The following TTC28 variants were observed in gnomAD, a reference collection of about 807,000 sequenced individuals.
TTC28 encodes the protein tetratricopeptide repeat protein 28.
TTC28 carries 61 observed loss-of-function variants against 198.0 expected under a neutral mutation model. The observed-to-expected ratio is 0.31, with a 90% CI of 0.25 to 0.38. The LOEUF (loss-of-function observed/expected upper bound fraction) is 0.38. Ranked by LOEUF, TTC28 falls within the 10% of genes least tolerant of loss-of-function variation. The pLI is 1.00. For synonymous variants in TTC28, 1,171 were observed against 1,297.8 expected (o/e 0.90, Z 2.10); for missense variants, 2,678 against 3,164.0 (o/e 0.85, Z 3.69).
At chr22:28,615,795 G>T (rs368691329) in intron 2 of TTC28, among the ~76,000 whole-genome samples, 1 of 151,630 alleles carries the variant, frequency 6.6e-6, no homozygotes, top group Non-Finnish European at 1.5e-5. Flanking sequence ...GGCCTGTAGG[G>T]GGGTGGGGGG....
At chr22:28,151,817 AT>A (rs1180838269) in intron 6 of TTC28, among the ~76,000 whole-genome samples, 3 of 151,952 alleles carry the variant, frequency 2.0e-5, no homozygotes, top group Non-Finnish European at 4.4e-5. Flanking sequence ...TGATATCTCA[AT>A]TTTTTACATT....
chr22:28,019,906 C>T (rs1938523109), intron 13 of TTC28, among the ~76,000 whole-genome samples: 1 of 152,240 alleles, frequency 6.6e-6, no homozygotes, highest in Non-Finnish European at 1.5e-5. Flanking sequence ...ATGAAGACAG[C>T]CCAGAGTAGA....
chr22:28,045,616 G>T (rs1422851303), intron 12 of TTC28, among the ~76,000 whole-genome samples: 1 of 152,174 alleles, frequency 6.6e-6, no homozygotes, highest in South Asian at 2.1e-4. Context: ...CTGTGAATGT[G>T]TTTTACCTAA....
intron 14 of TTC28, among the ~76,000 whole-genome samples, chr22:28,012,659 G>A (rs1207684416): frequency 6.6e-6 from 1 of 152,094 alleles, no homozygotes; most frequent in African/African-American, 2.4e-5. Context: ...CTACAGTTGT[G>A]CACCATCATG....
intron 5 of TTC28, among the ~76,000 whole-genome samples, chr22:28,207,747 G>T (rs1283679276): frequency 2.0e-5 from 3 of 152,182 alleles, no homozygotes; most frequent in Non-Finnish European, 2.9e-5. Context: ...CTCTCCTTCA[G>T]GGAGGATTTG....
At chr22:28,496,333 A>C (rs2146355661) in intron 2 of TTC28, among the ~76,000 whole-genome samples, 1 of 152,142 alleles carries the variant, frequency 6.6e-6, no homozygotes, top group South Asian at 2.1e-4. Flanking sequence ...AAATATCTTA[A>C]ACTTAACATG....
At chr22:28,339,248 G>A (rs1411075311) in intron 2 of TTC28, among the ~76,000 whole-genome samples, 1 of 152,128 alleles carries the variant, frequency 6.6e-6, no homozygotes, top group East Asian at 1.9e-4. Flanking sequence ...TCGTTCCTCA[G>A]GAAGTTTTGT....
At chr22:28,077,650 T>A (rs1362387077) in intron 12 of TTC28, among the ~76,000 whole-genome samples, 2 of 152,198 alleles carry the variant, frequency 1.3e-5, no homozygotes, top group African/African-American at 4.8e-5. Flanking sequence ...ACAAGTGTAA[T>A]CTAAATTAAC....
intron 2 of TTC28, among the ~76,000 whole-genome samples, chr22:28,312,952 G>C (rs1024195012): frequency 1.3e-5 from 2 of 151,648 alleles, no homozygotes; most frequent in Non-Finnish European, 2.9e-5. Context: ...CAACAAAATA[G>C]ATAGACCACT....
chr22:28,224,886 T>A (rs1413114538), intron 5 of TTC28, among the ~76,000 whole-genome samples: 3 of 152,186 alleles, frequency 2.0e-5, no homozygotes, highest in Non-Finnish European at 4.4e-5. Flanking sequence ...GACCAGAATA[T>A]GTTCATAATG....
chr22:28,589,685 G>A (rs181777461), intron 2 of TTC28, among the ~76,000 whole-genome samples: 111 of 152,096 alleles, frequency 7.3e-4, no homozygotes, highest in African/African-American at 1.9e-3. Flanking sequence ...GTAAATCTAC[G>A]GTTATGGAGT....
chr22:27,992,112 G>A (rs1043156022), intron 19 of TTC28, among the ~76,000 whole-genome samples: 17 of 152,276 alleles, frequency 1.1e-4, no homozygotes, highest in Admixed American at 9.2e-4. Context: ...GGAGACCACC[G>A]AGTGGAGATT....
At chr22:28,288,674 G>A (rs375125878) in intron 5 of TTC28, among the ~76,000 whole-genome samples, 18 of 151,712 alleles carry the variant, frequency 1.2e-4, no homozygotes, top group Admixed American at 4.6e-4. Context: ...ATAGCCAGGC[G>A]TTGTGGCGGG....
At chr22:28,126,329 G>A (rs1195913617) in intron 6 of TTC28, among the ~76,000 whole-genome samples, 1 of 152,162 alleles carries the variant, frequency 6.6e-6, no homozygotes, top group Non-Finnish European at 1.5e-5. Flanking sequence ...AGAACTACGA[G>A]TTTCCAGTGT....
intron 2 of TTC28, among the ~76,000 whole-genome samples, chr22:28,588,165 C>G (rs1351811883): frequency 1.3e-5 from 2 of 150,164 alleles, no homozygotes; most frequent in African/African-American, 4.9e-5. Context: ...AACAAACAAA[C>G]AAACAAAAAA....
intron 5 of TTC28, among the ~76,000 whole-genome samples, chr22:28,167,681 A>C (rs1369493801): frequency 6.6e-6 from 1 of 152,220 alleles, no homozygotes; most frequent in Non-Finnish European, 1.5e-5. Flanking sequence ...CAAAATAGTA[A>C]GAGCTATCTA....
chr22:28,521,590 T>C (rs149928159), intron 2 of TTC28, among the ~76,000 whole-genome samples: 11 of 152,272 alleles, frequency 7.2e-5, no homozygotes, highest in African/African-American at 2.6e-4. Context: ...AGAATCCATC[T>C]AGGCTCTCCC....
chr22:28,251,423 T>C (rs1484117475), intron 5 of TTC28, among the ~76,000 whole-genome samples: 4 of 152,230 alleles, frequency 2.6e-5, no homozygotes, highest in Admixed American at 2.6e-4. Context: ...CCACTGGGCC[T>C]GAAAAACCTA....
At chr22:28,108,728 A>C (rs918612311) in intron 6 of TTC28, among the ~76,000 whole-genome samples, 1 of 152,254 alleles carries the variant, frequency 6.6e-6, no homozygotes, top group Non-Finnish European at 1.5e-5. Context: ...CATTGCGTAT[A>C]AAGAGTTTAT....
Sources: gnomAD v4.1 joint callset for allele counts (sites outside exome capture counted in the v4.1 genomes callset) on GRCh38, gnomAD v4.1.1 for gene constraint, MANE v1.5 for transcripts, NCBI Gene and HGNC (gene_info 2026-07-23, HGNC 2026-07-21) for gene names.